IGF1R: variants seen among roughly 807,000 people sequenced by gnomAD.
IGF1R encodes insulin-like growth factor 1 receptor.
Under a neutral mutation model 144.6 loss-of-function variants are expected in IGF1R, and 44 were observed. That is an observed-to-expected ratio of 0.30 (90% CI 0.24 to 0.39). The LOEUF (loss-of-function observed/expected upper bound fraction) is 0.39. Among genes scored for constraint, IGF1R ranks in the 10% least tolerant of loss-of-function variants. The pLI is 1.00. For missense variants in IGF1R, 1,355 were observed against 1,833.7 expected (o/e 0.74, Z 4.77); for synonymous variants, 795 against 722.8 (o/e 1.10, Z -1.60).
intron 18 of IGF1R, among the ~76,000 whole-genome samples, chr15:98,939,856 G>A (rs2016301340): frequency 6.6e-6 from 1 of 152,234 alleles, no homozygotes; most frequent in Non-Finnish European, 1.5e-5. Flanking sequence ...TGGCATGGCA[G>A]TCCCTTAGGT....
chr15:98,809,421 G>C (rs2056537582), intron 2 of IGF1R, among the ~76,000 whole-genome samples: 1 of 152,160 alleles, frequency 6.6e-6, no homozygotes, highest in South Asian at 2.1e-4. Context: ...TGTGAGTTCT[G>C]CAGCCTCCCA....
At chr15:98,781,103 C>T (rs999189003) in intron 2 of IGF1R, among the ~76,000 whole-genome samples, 1 of 152,160 alleles carries the variant, frequency 6.6e-6, no homozygotes, top group Non-Finnish European at 1.5e-5. Flanking sequence ...GCCTGGATGA[C>T]AGAGCGAGAC....
chr15:98,850,998 T>A (rs1443166513), intron 2 of IGF1R, among the ~76,000 whole-genome samples: 2 of 152,160 alleles, frequency 1.3e-5, no homozygotes, highest in Non-Finnish European at 2.9e-5. Context: ...AGTACAGTGT[T>A]GAAAACACCA....
intron 2 of IGF1R, among the ~76,000 whole-genome samples, chr15:98,888,466 T>TGTG (rs369692205): frequency 6.6e-6 from 1 of 151,854 alleles, no homozygotes; most frequent in East Asian, 1.9e-4. Context: ...TGTGTGTGTG[T>TGTG]TTACAGAAAA....
chr15:98,713,252 T>C (rs2054036964), intron 2 of IGF1R, among the ~76,000 whole-genome samples: 2 of 152,142 alleles, frequency 1.3e-5, no homozygotes, highest in African/African-American at 4.8e-5. Flanking sequence ...TATCCTCCAC[T>C]GTATGCTGTC....
rs138234678 is a variant in IGF1R at position 98,913,260 on chromosome 15, G to A, written c.1806G>A (p.Leu602=). 1.2e-5 allele frequency: 20 copies of A among 1,613,876 alleles called. No homozygotes were observed. Among genetic ancestry groups the A allele is most frequent in the Non-Finnish European group, 1.6e-5 (19 of 1,179,892 alleles). The part of the protein sequence containing the change: ...DHIRGAKSEI[L]YIRTNASVPS... ...TCCGTGGGGCCAAGAGTGAGATCTT[G>A]TACATTCGCACCAATGCTTCAGGTA... The change falls in exon 8 of 21, where the codon TTG becomes TTA. Residue 602 remains leucine (L), a synonymous_variant. Transcript: ENST00000650285.
At chr15:98,668,021 T>A (rs544909691) in intron 1 of IGF1R, among the ~76,000 whole-genome samples, 1 of 152,116 alleles carries the variant, frequency 6.6e-6, no homozygotes, top group Admixed American at 6.5e-5. Context: ...CACAGACTTA[T>A]GTTTCTCACA....
intron 2 of IGF1R, among the ~76,000 whole-genome samples, chr15:98,745,700 C>T (rs992366143): frequency 6.6e-6 from 1 of 152,200 alleles, no homozygotes; most frequent in South Asian, 2.1e-4. Flanking sequence ...GAGAAACTTC[C>T]GTTTTCTCTT....
rs776949673 is a variant in IGF1R at position 98,891,414 on chromosome 15, A to G, written c.730A>G (p.Asn244Asp). ...CCTGGGCAGCTGCAGCGCGCCTGAC[A>G]ACGACACGGCCTGTGTAGCTTGCCG... The part of the protein sequence containing the change: ...ECLGSCSAPD[N>D]DTACVACRHY... The change falls in exon 3 of 21, where the codon AAC becomes GAC. Residue 244 changes from asparagine to aspartate, a missense_variant. Asn to Asp is a conservative substitution (Grantham distance 23, BLOSUM62 1). Around this residue, in one of 7 missense-constraint regions of IGF1R, gnomAD observed 880 missense variants for 1,202.7 expected, o/e 0.73. Coordinates refer to ENST00000650285, the MANE Select transcript of IGF1R (RefSeq NM_000875.5). The surrounding 1 kb of genome is among the most constrained non-coding windows in gnomAD (Gnocchi z 4.7). 7 of 1,613,232 alleles carry G rather than the reference A, an allele frequency of 4.3e-6. No homozygotes were observed. Among genetic ancestry groups the G allele is most frequent in the Middle Eastern group, 1.6e-4 (1 of 6,082 alleles).
intron 1 of IGF1R, among the ~76,000 whole-genome samples, chr15:98,672,796 T>A (rs2052930520): frequency 6.6e-6 from 1 of 152,050 alleles, no homozygotes; most frequent in South Asian, 2.1e-4. Flanking sequence ...TTGGGGTGAA[T>A]GGATTTTTCC....
Position 98,916,688 on chromosome 15 carries a change from G to C in IGF1R, c.2013G>C (p.Arg671Ser), listed in dbSNP as rs2151682535. The C allele has an allele frequency of 6.2e-7, 1 of 1,614,086 alleles. No homozygotes were observed. Among genetic ancestry groups the C allele is most frequent in the Non-Finnish European group, 8.5e-7 (1 of 1,179,986 alleles). Residue 671 changes from arginine (R) to serine (S), a missense_variant, in exon 10 of 21, where the codon AGG becomes AGC. Arg to Ser is a moderately radical substitution (Grantham distance 110). This residue lies in a region of IGF1R where 880 missense variants were observed against 1,202.7 expected (regional missense o/e 0.73). Transcript: ENST00000650285. ...NYCSKDKIPIRKYADGTIDIE... is the reference protein window; with the variant it reads ...NYCSKDKIPISKYADGTIDIE... The stretch of plus-strand genomic sequence containing the variant: ...TCCGAGAAGACAAAATCCCCATCAG[G>C]AAGTATGCCGACGGCACCATCGACA...
intron 2 of IGF1R, among the ~76,000 whole-genome samples, chr15:98,820,495 TGATAA>T (rs1223195976): frequency 1.4e-5 from 2 of 144,108 alleles, no homozygotes; most frequent in African/African-American, 5.9e-5. Flanking sequence ...CTTCATTCTA[TGATAA>T]GATAATGATG....
At chr15:98,652,278 G>A (rs2052387398) in intron 1 of IGF1R, among the ~76,000 whole-genome samples, 1 of 152,208 alleles carries the variant, frequency 6.6e-6, no homozygotes, top group Non-Finnish European at 1.5e-5. Flanking sequence ...TAAAAAGTCA[G>A]CATGCACTTT....
intron 2 of IGF1R, among the ~76,000 whole-genome samples, chr15:98,871,864 CTG>C (rs2141607755): frequency 6.6e-6 from 1 of 152,324 alleles, no homozygotes; most frequent in African/African-American, 2.4e-5. Context: ...AACCATATCA[CTG>C]TGTAAAAGTT....
chr15:98,812,359 CTTTTTT>C (rs34851483), intron 2 of IGF1R, among the ~76,000 whole-genome samples: 2 of 140,190 alleles, frequency 1.4e-5, no homozygotes, highest in Non-Finnish European at 3.1e-5. Context: ...CTTGAAAAAG[CTTTTTT>C]TTTTTTTTCA....
At chr15:98,752,655 G>T (rs1182975584) in intron 2 of IGF1R, among the ~76,000 whole-genome samples, 1 of 151,006 alleles carries the variant, frequency 6.6e-6, no homozygotes, top group African/African-American at 2.4e-5. Flanking sequence ...TTGCACTCCA[G>T]CCTGGGCGAC....
In IGF1R at chr15:98,666,955, T is replaced by C. The variant is rs74032506; in HGVS notation, c.94+17280T>C. Among the ~76,000 whole-genome samples the C allele has an allele frequency of 3.8e-3, 579 of 152,220 alleles. 2 individuals carry two copies. The highest frequency in any genetic ancestry group is 0.013 in the African/African-American group (545 of 41,516). On this transcript the variant is annotated intron_variant, in intron 1 of 20. Coordinates refer to ENST00000650285, the MANE Select transcript of IGF1R (RefSeq NM_000875.5). Reference sequence around the variant, plus strand: ...CTTATTTCTCAATTGTTTATGCGAGTATATGTGTGGAATAGTTGGGGAGAC... The same window carrying C: ...CTTATTTCTCAATTGTTTATGCGAGCATATGTGTGGAATAGTTGGGGAGAC...
chr15:98,759,743 A>G (rs1441396008), intron 2 of IGF1R, among the ~76,000 whole-genome samples: 1 of 152,224 alleles, frequency 6.6e-6, no homozygotes, highest in Non-Finnish European at 1.5e-5. Flanking sequence ...TGGGGCACAT[A>G]GTTGGCTTAA....
At chr15:98,943,733 C>G (rs745448980) in intron 19 of IGF1R, among the ~76,000 whole-genome samples, 21 of 152,236 alleles carry the variant, frequency 1.4e-4, no homozygotes, top group Non-Finnish European at 2.2e-4. Flanking sequence ...GGCTGAGGCC[C>G]TGGCACAGGC....
Sources: allele counts gnomAD v4.1 joint callset (sites outside exome capture counted in the v4.1 genomes callset), GRCh38; gene constraint gnomAD v4.1.1; regional missense constraint gnomAD v4.1.1; non-coding constraint Gnocchi (gnomAD v3.1); transcripts MANE v1.5; gene names NCBI Gene and HGNC (gene_info 2026-07-23, HGNC 2026-07-21).